ARHGAP5: variants seen among roughly 807,000 people sequenced by gnomAD.
The protein encoded by ARHGAP5 is rho GTPase-activating protein 5.
Under a neutral mutation model 116.6 loss-of-function variants are expected in ARHGAP5, and 23 were observed. The observed-to-expected ratio is 0.20, with a 90% confidence interval of 0.14 to 0.28. ARHGAP5 has a LOEUF of 0.28. ARHGAP5 is among the 10% of genes least tolerant of loss of function. The pLI is 1.00. For missense variants in ARHGAP5, 1,405 were observed against 1,774.8 expected (o/e 0.79, Z 3.74); for synonymous variants, 574 against 602.0 (o/e 0.95, Z 0.68).
chr14:32,145,685 T>C (rs1881343179), intron 3 of ARHGAP5, among the ~76,000 whole-genome samples: 1 of 152,154 alleles, frequency 6.6e-6, no homozygotes, highest in Non-Finnish European at 1.5e-5. Context: ...CTACTTATGT[T>C]TGGTTTTTTT....
chr14:32,138,847 T>C (rs2139122617), intron 3 of ARHGAP5, among the ~76,000 whole-genome samples: 1 of 152,326 alleles, frequency 6.6e-6, no homozygotes, highest in East Asian at 1.9e-4. Flanking sequence ...TTTTCATAAA[T>C]GTCCTTGATC....
chr14:32,148,064 C>T (rs576458292), intron 4 of ARHGAP5, among the ~76,000 whole-genome samples: 3 of 152,062 alleles, frequency 2.0e-5, no homozygotes, highest in Admixed American at 6.6e-5. Flanking sequence ...GAGGCGAGAG[C>T]ATCACTTGAA....
At chr14:32,127,988 C>CCGCAATCTCAGCACTTTGGGAG (rs1880268965) in intron 3 of ARHGAP5, among the ~76,000 whole-genome samples, 1 of 141,550 alleles carries the variant, frequency 7.1e-6, no homozygotes. Context: ...CGGGCAGAGG[C>CCGCAATCTCAGCACTTTGGGAG]GCTCCTCACC....
In ARHGAP5 at chr14:32,155,819, T is replaced by C. The variant is rs1881867682; in HGVS notation, c.*871T>C. 1 of 152,560 alleles carries C rather than the reference T, an allele frequency of 6.6e-6. No homozygotes were observed. The highest frequency in any genetic ancestry group is 6.5e-5 in the Admixed American group (1 of 15,270). The allele number at this position is 152,560 out of a possible 1,614,324, so 9.5% of individuals were successfully genotyped here. Reference sequence around the variant, plus strand: ...CATTTAGTATAGTGTAGAAAATACTTCCATGACATTTTCATATAAGGTTAT... The same window carrying C: ...CATTTAGTATAGTGTAGAAAATACTCCCATGACATTTTCATATAAGGTTAT... On this transcript the variant is annotated 3_prime_UTR_variant, in exon 7 of 7. Coordinates refer to ENST00000345122, the MANE Select transcript of ARHGAP5 (RefSeq NM_001030055.2).
Position 32,094,022 on chromosome 14 carries a change from G to A in ARHGAP5, c.3353G>A (p.Arg1118His), listed in dbSNP as rs758675410. The change falls in exon 2 of 7, where the codon CGT (arginine) becomes CAT (histidine). Residue 1118 changes from arginine (R) to histidine (H), a missense_variant. Arg to His is a conservative substitution (Grantham distance 29). Coordinates refer to ENST00000345122, the MANE Select transcript of ARHGAP5 (RefSeq NM_001030055.2). ...IYVVPDDSQN[R>H]IKIRNSFVNN... ...GTTGTCCCAGATGATAGTCAAAATC[G>A]TATTAAAATTCGAAACTCATTTGTA... The A allele has an allele frequency of 6.8e-6, 11 of 1,612,970 alleles. No homozygotes were observed. The highest frequency in any genetic ancestry group is 2.2e-5 in the East Asian group (1 of 44,876).
At chr14:32,107,161 A>G (rs1288064777) in intron 2 of ARHGAP5, among the ~76,000 whole-genome samples, 2 of 152,340 alleles carry the variant, frequency 1.3e-5, no homozygotes, top group East Asian at 3.9e-4. Context: ...GCAAACTAAC[A>G]TGCTATGCAC....
At chr14:32,131,364 T>C (rs752197973) in intron 3 of ARHGAP5, among the ~76,000 whole-genome samples, 22 of 152,058 alleles carry the variant, frequency 1.4e-4, no homozygotes, top group Non-Finnish European at 1.9e-4. Flanking sequence ...TATTAAAAGA[T>C]ACATAACGTA....
chr14:32,129,401 AT>A (rs1880359956), intron 3 of ARHGAP5, among the ~76,000 whole-genome samples: 1 of 152,206 alleles, frequency 6.6e-6, no homozygotes, highest in Non-Finnish European at 1.5e-5. Flanking sequence ...ACTATGACAA[AT>A]GAATTATAAA....
At chr14:32,081,704 G>A (rs531551837) in intron 1 of ARHGAP5, among the ~76,000 whole-genome samples, 3 of 152,272 alleles carry the variant, frequency 2.0e-5, no homozygotes, top group South Asian at 4.1e-4. Context: ...TCTAGTTACT[G>A]TATTTGGTTT....
In ARHGAP5 at chr14:32,157,856, A is replaced by G. The variant is rs1011662050; in HGVS notation, c.*2908A>G. On this transcript the variant is annotated 3_prime_UTR_variant, in exon 7 of 7. Coordinates refer to ENST00000345122, the MANE Select transcript of ARHGAP5 (RefSeq NM_001030055.2). ...TTTTTTTTTGAGGTACTGGAATCTAATTAATATCTCTTAGGTATCAACAAA... is the reference window on the plus strand; with the variant it reads ...TTTTTTTTTGAGGTACTGGAATCTAGTTAATATCTCTTAGGTATCAACAAA... 1 of 150,848 alleles carries G rather than the reference A, an allele frequency of 6.6e-6. No individual in the cohort carries two copies. Among genetic ancestry groups the G allele is most frequent in the Non-Finnish European group, 1.5e-5 (1 of 67,474 alleles). The allele number at this position is 150,848 out of a possible 1,614,324, so 9.3% of individuals were successfully genotyped here.
chr14:32,077,958 C>T (rs1241651172), intron 1 of ARHGAP5, among the ~76,000 whole-genome samples: 1 of 152,174 alleles, frequency 6.6e-6, no homozygotes, highest in East Asian at 1.9e-4. Flanking sequence ...TCCCTCATCT[C>T]CTCGACTCCT....
intron 2 of ARHGAP5, among the ~76,000 whole-genome samples, chr14:32,103,363 A>G (rs1190209222): frequency 2.0e-5 from 3 of 152,176 alleles, no homozygotes; most frequent in African/African-American, 7.2e-5. Flanking sequence ...TGATTTATAT[A>G]TTTTGTTAAG....
intron 3 of ARHGAP5, among the ~76,000 whole-genome samples, chr14:32,125,573 G>A (rs995373462): frequency 2.6e-5 from 4 of 152,164 alleles, no homozygotes; most frequent in Non-Finnish European, 5.9e-5. Context: ...CACAGTGGAT[G>A]CACCATTTTA....
intron 3 of ARHGAP5, among the ~76,000 whole-genome samples, chr14:32,137,855 C>G (rs535855412): frequency 1.3e-5 from 2 of 151,874 alleles, no homozygotes; most frequent in African/African-American, 4.8e-5. Context: ...GCCTGTAATC[C>G]CAGCTACTCA....
chr14:32,136,734 A>G (rs1479264307), intron 3 of ARHGAP5, among the ~76,000 whole-genome samples: 1 of 152,166 alleles, frequency 6.6e-6, no homozygotes, highest in Non-Finnish European at 1.5e-5. Context: ...AGCAGTGTAC[A>G]GGTGTTTCAT....
chr14:32,149,010 T>G (rs1881518670), intron 4 of ARHGAP5, among the ~76,000 whole-genome samples: 3 of 152,172 alleles, frequency 2.0e-5, no homozygotes, highest in African/African-American at 7.2e-5. Flanking sequence ...TACCCCTTAT[T>G]CAAAATTCTT....
chr14:32,077,317 G>T lies in ARHGAP5; in HGVS notation c.-287G>T, dbSNP rs1161238803. Reference sequence around the variant, plus strand: ...GGTGAGCGCGCCGAGGAAGAGAGGCGAGCGGAGAGTGGAGGAGGAGGCGGC... The same window carrying T: ...GGTGAGCGCGCCGAGGAAGAGAGGCTAGCGGAGAGTGGAGGAGGAGGCGGC... On this transcript the variant is annotated 5_prime_UTR_variant, in exon 1 of 7. Transcript: ENST00000345122. 1.4e-6 allele frequency: 1 copy of T among 695,072 alleles called. No homozygotes were observed. The highest frequency in any genetic ancestry group is 1.8e-5 in the African/African-American group (1 of 56,364). The allele number at this position is 695,072 out of a possible 1,614,324, so 43.1% of individuals were successfully genotyped here. A position where few individuals can be genotyped will look rare whatever the true frequency, so the allele number is the denominator to read the frequency against.
At chr14:32,144,305 G>C (rs769216092) in intron 3 of ARHGAP5, among the ~76,000 whole-genome samples, 4 of 151,988 alleles carry the variant, frequency 2.6e-5, no homozygotes, top group Non-Finnish European at 5.9e-5. Context: ...AAGATTACAG[G>C]TGTGAGCTAC....
chr14:32,143,230 GTTGTTGTTGTTA>G lies in ARHGAP5; in HGVS notation c.3866-3030_3866-3019del, dbSNP rs1345101152. On this transcript the variant is annotated intron_variant, in intron 3 of 6. Transcript: ENST00000345122. Reference sequence around the variant, plus strand: ...TGTTGTTGTTGTTGTTGTTGTTGTTGTTGTTGTTGTTATTATTATTATTATTATTTGAGACGG... The same window carrying G: ...TGTTGTTGTTGTTGTTGTTGTTGTTGTTATTATTATTATTATTTGAGACGG... 4.7e-4 allele frequency among the ~76,000 whole-genome samples: 70 copies of G among 149,658 alleles called. 1 individual carries two copies. In the South Asian group the frequency reaches 4.9e-3, roughly 10 times the overall value.
Sources: allele counts gnomAD v4.1 joint callset (sites outside exome capture counted in the v4.1 genomes callset), GRCh38; gene constraint gnomAD v4.1.1; transcripts MANE v1.5; gene names NCBI Gene and HGNC (gene_info 2026-07-23, HGNC 2026-07-21).